The following RAB9A variants were observed in gnomAD, a reference collection of about 807,000 sequenced individuals.
RAB9A encodes the protein ras-related protein Rab-9A.
In RAB9A, 1 loss-of-function variant was observed where a neutral mutation model predicts 10.3. The ratio of observed to expected loss-of-function variants is 0.10; its 90% confidence interval spans 0.03 to 0.46. RAB9A has a LOEUF of 0.46. Ranked by LOEUF, RAB9A falls within the 20% of genes least tolerant of loss-of-function variation. The pLI is 0.96. For missense variants in RAB9A, 92 were observed against 150.3 expected (o/e 0.61, Z 2.03); for synonymous variants, 39 against 55.2 (o/e 0.71, Z 1.30).
At chrX:13,701,705 T>C (rs1311269725) in intron 1 of RAB9A, among the ~76,000 whole-genome samples, 1 of 111,103 alleles carries the variant, frequency 9.0e-6, no homozygotes, top group Non-Finnish European at 1.9e-5. Context: ...CCAGTAGGTG[T>C]TCGGGAGGAG....
intron 2 of RAB9A, among the ~76,000 whole-genome samples, chrX:13,706,508 C>T (rs748107118): frequency 9.0e-6 from 1 of 110,725 alleles, no homozygotes; most frequent in Non-Finnish European, 1.9e-5. Context: ...TCTCCTGCCT[C>T]AGCCTAGTAC....
At chrX:13,696,752 G>T (rs1169141129) in intron 1 of RAB9A, among the ~76,000 whole-genome samples, 2 of 112,110 alleles carry the variant, frequency 1.8e-5, no homozygotes, top group African/African-American at 6.5e-5. Flanking sequence ...CCTATAAACT[G>T]AGCAGAGAGT....
At chrX:13,700,878 C>G (rs2046170039) in intron 1 of RAB9A, among the ~76,000 whole-genome samples, 1 of 110,816 alleles carries the variant, frequency 9.0e-6, no homozygotes, top group African/African-American at 3.3e-5. Flanking sequence ...CTCAGGTGAT[C>G]TTTCTACCTC....
At chrX:13,702,991 T>A (rs2046180985) in intron 1 of RAB9A, among the ~76,000 whole-genome samples, 2 of 112,754 alleles carry the variant, frequency 1.8e-5, no homozygotes, top group African/African-American at 6.4e-5. Context: ...TTTTTTAAAC[T>A]ACTTAAACTC....
At chrX:13,698,030 G>A (rs898240351) in intron 1 of RAB9A, among the ~76,000 whole-genome samples, 12 of 110,866 alleles carry the variant, frequency 1.1e-4, no homozygotes, top group African/African-American at 3.9e-4. Flanking sequence ...ACTTTCCAGT[G>A]CTCAGTAGCC....
rs2046212572 is a variant in RAB9A at position 13,709,482 on chromosome X, ATTAG to A, written c.*133_*136del. ...AAAATTAAACTAATGTTGCTGCTTC[ATTAG>A]TTGGTGGGAGAAGGGACACATCCAC... On this transcript the variant is annotated 3_prime_UTR_variant, in exon 3 of 3. Coordinates refer to ENST00000464506, the MANE Select transcript of RAB9A (RefSeq NM_004251.5). 1 of 763,453 alleles carries A rather than the reference ATTAG, an allele frequency of 1.3e-6. No homozygotes were observed. The highest frequency in any genetic ancestry group is 3.4e-5 in the East Asian group (1 of 29,747). 62.9% of individuals were successfully genotyped at this position (763,453 alleles called of 1,213,427 possible).
At chrX:13,701,805 C>G (rs1366233433) in intron 1 of RAB9A, among the ~76,000 whole-genome samples, 1 of 111,109 alleles carries the variant, frequency 9.0e-6, no homozygotes, top group Non-Finnish European at 1.9e-5. Flanking sequence ...AACACGAAGT[C>G]ATATAGTAAA....
intron 1 of RAB9A, among the ~76,000 whole-genome samples, chrX:13,691,476 A>G (rs984858365): frequency 9.1e-6 from 1 of 110,303 alleles, no homozygotes; most frequent in Non-Finnish European, 1.9e-5. Flanking sequence ...CCTGGCCAAC[A>G]TGGTGAAACT....
At chrX:13,703,295 G>A (rs1353676900) in intron 1 of RAB9A, among the ~76,000 whole-genome samples, 1 of 111,965 alleles carries the variant, frequency 8.9e-6, no homozygotes, top group Non-Finnish European at 1.9e-5. Context: ...CTAGGTGTGT[G>A]ACCTTGAGCA....
intron 2 of RAB9A, among the ~76,000 whole-genome samples, chrX:13,704,149 C>G (rs188621997): frequency 7.1e-5 from 8 of 111,896 alleles, no homozygotes; most frequent in African/African-American, 2.6e-4. Flanking sequence ...CCTTTTCTGT[C>G]TTCCCTTTTG....
At chrX:13,694,223 G>GAAC (rs765208874) in intron 1 of RAB9A, among the ~76,000 whole-genome samples, 1 of 111,508 alleles carries the variant, frequency 9.0e-6, no homozygotes, top group African/African-American at 3.3e-5. Flanking sequence ...TTGCTGTGCA[G>GAAC]AACTCTAACA....
intron 2 of RAB9A, among the ~76,000 whole-genome samples, chrX:13,704,653 C>T (rs2046189778): frequency 9.5e-6 from 1 of 105,048 alleles, no homozygotes; most frequent in Non-Finnish European, 1.9e-5. Context: ...CTAGCTCTGT[C>T]CCCCAGGCTA....
rs143032324 is a variant in RAB9A, at chrX:13,701,866, G to A, written c.-115-1948G>A. The stretch of plus-strand genomic sequence containing the variant: ...GGTATAACCACCTCAATTTTCATTC[G>A]TAAGCCCAGCTGACACTGTTAGTGG... On this transcript the variant is annotated intron_variant, in intron 1 of 2. Coordinates refer to ENST00000464506, the MANE Select transcript of RAB9A (RefSeq NM_004251.5). Among the ~76,000 whole-genome samples, 88 of 111,302 alleles carry A rather than the reference G, an allele frequency of 7.9e-4. No individual in the cohort carries two copies. In the East Asian group the frequency reaches 0.018, roughly 23 times the overall value.
intron 1 of RAB9A, among the ~76,000 whole-genome samples, chrX:13,692,866 C>T (rs1478393356): frequency 8.9e-6 from 1 of 112,541 alleles, no homozygotes; most frequent in Non-Finnish European, 1.9e-5. Context: ...ATAGATTTCT[C>T]TGCCTCTTAT....
chrX:13,703,943 A>G (rs937081095), intron 2 of RAB9A, 41 bp downstream of exon 2: 1 of 112,044 alleles, frequency 8.9e-6, no homozygotes, highest in African/African-American at 3.2e-5. Context: ...AGGCTTCAGG[A>G]TGTTAAATTG....
At chrX:13,691,659 CAAAAAAAAAAAAA>C (rs765886332) in intron 1 of RAB9A, among the ~76,000 whole-genome samples, 8 of 15,933 alleles carry the variant, frequency 5.0e-4, no homozygotes, top group Admixed American at 3.3e-3. Flanking sequence ...GACTCCATCT[CAAAAAAAAAAAAA>C]AAAAAAAAAA....
chrX:13,693,376 A>G lies in RAB9A; in HGVS notation c.-116+4088A>G, dbSNP rs181998830. On this transcript the variant is annotated intron_variant, in intron 1 of 2. Coordinates refer to ENST00000464506, the MANE Select transcript of RAB9A (RefSeq NM_004251.5). ...GTAGAGGAGTGAGGGTGAACTCAAA[A>G]AATGTTTCAGGGAGTTTGGTGGAAA... Among the ~76,000 whole-genome samples, 15 of 112,179 alleles carry G rather than the reference A, an allele frequency of 1.3e-4. No homozygotes were observed. The East Asian group carries it at 2.8e-3, about 21-fold the overall frequency.
At chrX:13,705,207 G>A (rs757697250) in intron 2 of RAB9A, among the ~76,000 whole-genome samples, 1 of 112,154 alleles carries the variant, frequency 8.9e-6, no homozygotes, top group South Asian at 3.6e-4. Context: ...TTTGTTAGAT[G>A]TCACTGGTAA....
chrX:13,693,445 G>A (rs1205643604), intron 1 of RAB9A, among the ~76,000 whole-genome samples: 7 of 111,910 alleles, frequency 6.3e-5, no homozygotes, highest in Admixed American at 5.7e-4. Context: ...GGGAGGAGAC[G>A]TGGAGCCACC....
Sources: allele counts gnomAD v4.1 joint callset (sites outside exome capture counted in the v4.1 genomes callset), GRCh38; gene constraint gnomAD v4.1.1; transcripts MANE v1.5; gene names NCBI Gene and HGNC (gene_info 2026-07-23, HGNC 2026-07-21).